The following ZNF385D variants were observed in gnomAD, a reference collection of about 807,000 sequenced individuals.
The protein encoded by ZNF385D is zinc finger protein 659.
Under a neutral mutation model 35.8 loss-of-function variants are expected in ZNF385D, and 15 were observed. That is an observed-to-expected ratio of 0.42 (90% CI 0.28 to 0.64). The LOEUF (loss-of-function observed/expected upper bound fraction) is 0.64. ZNF385D is among the 30% of genes least tolerant of loss of function. ZNF385D has a pLI of 0.23. For synonymous variants in ZNF385D, 212 were observed against 186.8 expected, an observed-to-expected ratio of 1.13 and a Z score of -1.10; for missense variants, 474 against 494.6, an observed-to-expected ratio of 0.96 and a Z score of 0.39.
intron 3 of ZNF385D, among the ~76,000 whole-genome samples, chr3:21,799,197 A>T (rs190365175): frequency 6.6e-6 from 1 of 152,236 alleles, no homozygotes; most frequent in East Asian, 1.9e-4. Context: ...TTTACCTATT[A>T]AGCAGTTGAT....
chr3:21,537,124 CTTTT>C (rs35873199), intron 3 of ZNF385D, among the ~76,000 whole-genome samples: 4 of 95,012 alleles, frequency 4.2e-5, no homozygotes, highest in African/African-American at 1.2e-4. Context: ...AAAATATCAA[CTTTT>C]TTTTTTTTTT....
At chr3:21,678,708 G>A (rs2066806454) in intron 1 of ZNF385D, among the ~76,000 whole-genome samples, 1 of 152,062 alleles carries the variant, frequency 6.6e-6, no homozygotes, top group Non-Finnish European at 1.5e-5. Context: ...AGGAATGCCT[G>A]CTGAGAGGGG....
At chr3:21,965,040 G>A (rs1702832529) in intron 3 of ZNF385D, among the ~76,000 whole-genome samples, 2 of 152,074 alleles carry the variant, frequency 1.3e-5, no homozygotes, top group Admixed American at 1.3e-4. Context: ...TAATATTAAA[G>A]TTGACACTAG....
chr3:21,967,663 T>A (rs1702987556), intron 3 of ZNF385D, among the ~76,000 whole-genome samples: 1 of 152,204 alleles, frequency 6.6e-6, no homozygotes, highest in African/African-American at 2.4e-5. Flanking sequence ...CTCCTAAGAC[T>A]TCTAACACAC....
At chr3:21,685,004 A>G (rs1202819492) in intron 1 of ZNF385D, among the ~76,000 whole-genome samples, 2 of 152,178 alleles carry the variant, frequency 1.3e-5, no homozygotes, top group Non-Finnish European at 2.9e-5. Context: ...AAGGAAACCA[A>G]TGGGCTCCAT....
chr3:22,031,775 T>C (rs908805872), intron 3 of ZNF385D, among the ~76,000 whole-genome samples: 1 of 152,234 alleles, frequency 6.6e-6, no homozygotes, highest in Non-Finnish European at 1.5e-5. Context: ...AATGGGTTTC[T>C]CTTTTCTACC....
intron 4 of ZNF385D, among the ~76,000 whole-genome samples, chr3:21,468,146 T>G (rs1041733513): frequency 9.9e-5 from 15 of 152,230 alleles, no homozygotes; most frequent in Admixed American, 7.2e-4. Context: ...GGCTCATGCC[T>G]GTAATCCCAA....
intron 1 of ZNF385D, among the ~76,000 whole-genome samples, chr3:21,716,589 C>A (rs938931947): frequency 6.6e-6 from 1 of 152,114 alleles, no homozygotes; most frequent in Non-Finnish European, 1.5e-5. Flanking sequence ...CTTGATTTCT[C>A]GGCTTCTTAA....
intron 2 of ZNF385D, among the ~76,000 whole-genome samples, chr3:22,181,029 A>C (rs1402773011): frequency 1.3e-5 from 2 of 150,098 alleles, no homozygotes; most frequent in Non-Finnish European, 3.0e-5. Context: ...AATATATTTT[A>C]ATACTTTGGT....
At chr3:21,642,274 C>T (rs1304696401) in intron 2 of ZNF385D, among the ~76,000 whole-genome samples, 1 of 152,070 alleles carries the variant, frequency 6.6e-6, no homozygotes, top group South Asian at 2.1e-4. Context: ...TCTCCAAGAC[C>T]CCTTTCTCTG....
chr3:21,657,587 C>T (rs1478351564), intron 2 of ZNF385D, among the ~76,000 whole-genome samples: 1 of 151,950 alleles, frequency 6.6e-6, no homozygotes, highest in Non-Finnish European at 1.5e-5. Context: ...CAATCTGCTA[C>T]ATCTGTCTTC....
At chr3:22,362,565 A>G (rs1436714183) in intron 2 of ZNF385D, among the ~76,000 whole-genome samples, 1 of 152,132 alleles carries the variant, frequency 6.6e-6, no homozygotes, top group African/African-American at 2.4e-5. Flanking sequence ...GGAAAGGCAT[A>G]TCAAAATCAT....
At chr3:21,827,535 A>G (rs1416775669) in intron 3 of ZNF385D, among the ~76,000 whole-genome samples, 1 of 152,210 alleles carries the variant, frequency 6.6e-6, no homozygotes, top group African/African-American at 2.4e-5. Context: ...AAGATGCCAC[A>G]TGCTATACTA....
rs530061382 is a variant in ZNF385D, at chr3:22,181,864, G to GA, written c.107-12830dup. Among the ~76,000 whole-genome samples, 17 of 152,192 alleles carry GA rather than the reference G, an allele frequency of 1.1e-4. 1 individual carries two copies. In the South Asian group the frequency reaches 3.5e-3, roughly 32 times the overall value. On this transcript the variant is annotated intron_variant, in intron 2 of 5. Transcript: ENST00000494108. ...GTCTTACATTTCACTTCTACAATTT[G>GA]AAAAAAATGTGATCTTATTATGAGT...
rs549261734 is a variant in ZNF385D, at chr3:21,808,793, C to G, written c.326-143765G>C. Among the ~76,000 whole-genome samples the G allele has an allele frequency of 3.3e-5, 5 of 152,304 alleles. No homozygotes were observed. In the East Asian group the frequency reaches 9.7e-4, roughly 29 times the overall value. On this transcript the variant is annotated intron_variant, in intron 3 of 5. Coordinates refer to the ZNF385D transcript ENST00000494108. ...TAGAGCAGCCAATACATGAATCCAA[C>G]CAGAATCCACACAGCAAAGCTCTGA... is the stretch of plus-strand genomic sequence containing the variant.
At chr3:22,239,365 A>G (rs1699364051) in intron 2 of ZNF385D, among the ~76,000 whole-genome samples, 1 of 151,056 alleles carries the variant, frequency 6.6e-6, no homozygotes, top group African/African-American at 2.5e-5. Flanking sequence ...TTTACTATCT[A>G]TTCCTTTGTA....
chr3:22,117,315 C>G (rs906962001), intron 3 of ZNF385D, among the ~76,000 whole-genome samples: 4 of 151,956 alleles, frequency 2.6e-5, no homozygotes, highest in Non-Finnish European at 5.9e-5. Context: ...ATGTTCCTTC[C>G]AAGATAAGCA....
At chr3:22,071,425 G>A (rs1323425070) in intron 3 of ZNF385D, among the ~76,000 whole-genome samples, 1 of 152,102 alleles carries the variant, frequency 6.6e-6, no homozygotes, top group Admixed American at 6.6e-5. Flanking sequence ...CTTCATACTA[G>A]AGGTCACTAG....
At chr3:21,976,618 C>A (rs1468397173) in intron 3 of ZNF385D, among the ~76,000 whole-genome samples, 13 of 152,148 alleles carry the variant, frequency 8.5e-5, no homozygotes, top group Admixed American at 8.5e-4. Flanking sequence ...TTATTTATAA[C>A]AGCCCCAAAC....
Sources: gnomAD v4.1 joint callset for allele counts (sites outside exome capture counted in the v4.1 genomes callset) on GRCh38, gnomAD v4.1.1 for gene constraint, MANE v1.5 for transcripts, NCBI Gene and HGNC (gene_info 2026-07-23, HGNC 2026-07-21) for gene names.